IP6K1: variants seen among roughly 807,000 people sequenced by gnomAD.
The protein encoded by IP6K1 is ATP:1D-myo-inositol-hexakisphosphate phosphotransferase.
IP6K1 carries 13 observed loss-of-function variants against 38.3 expected under a neutral mutation model. That is an observed-to-expected ratio of 0.34 (90% CI 0.22 to 0.54). The LOEUF (loss-of-function observed/expected upper bound fraction) is 0.54, where lower values mean the gene tolerates loss of function less well. IP6K1 is among the 20% of genes least tolerant of loss of function. The pLI is 0.92. For missense variants in IP6K1, 397 were observed against 599.8 expected (o/e 0.66, Z 3.53); for synonymous variants, 212 against 229.9 (o/e 0.92, Z 0.70).
chr3:49,780,559 T>C (rs2081056861), intron 1 of IP6K1, among the ~76,000 whole-genome samples: 1 of 152,040 alleles, frequency 6.6e-6, no homozygotes, highest in Non-Finnish European at 1.5e-5. Flanking sequence ...AGGGCTGCAC[T>C]GGGAGGAGGG....
In IP6K1 at chr3:49,757,301, C is replaced by T. The variant is rs1008852798; in HGVS notation, c.-128-9133G>A. 4.6e-5 allele frequency among the ~76,000 whole-genome samples: 7 copies of T among 152,192 alleles called. No homozygotes were observed. The East Asian group carries it at 5.8e-4, about 13-fold the overall frequency. ...TATCCTACTGTAGCTTAACTGAAAA[C>T]GTTAAGCACAGTGGGGACAAGTTGA... On this transcript the variant is annotated intron_variant, in intron 1 of 5. Transcript: ENST00000321599.
rs2080506469 is a variant in IP6K1 at position 49,726,753 on chromosome 3, G to A, written c.*369C>T. ...GTGGAGGGGCCCTGCACCAGCCCAG[G>A]GCTTTACCTTACAATCAGCAGGGCC... On this transcript the variant is annotated 3_prime_UTR_variant, in exon 6 of 6. Coordinates refer to ENST00000321599, the MANE Select transcript of IP6K1 (RefSeq NM_153273.4). 3.0e-6 allele frequency: 1 copy of A among 335,100 alleles called. No homozygotes were observed. Among genetic ancestry groups the A allele is most frequent in the African/African-American group, 2.1e-5 (1 of 47,146 alleles). 20.8% of individuals were successfully genotyped at this position (335,100 alleles called of 1,614,324 possible).
intron 1 of IP6K1, among the ~76,000 whole-genome samples, chr3:49,780,147 A>G (rs370743949): frequency 2.0e-5 from 3 of 152,220 alleles, no homozygotes; most frequent in South Asian, 4.1e-4. Context: ...AAATTTTACA[A>G]AAGAGATCAG....
At chr3:49,729,014 C>T (rs143472329) in intron 4 of IP6K1, among the ~76,000 whole-genome samples, 5 of 150,464 alleles carry the variant, frequency 3.3e-5, no homozygotes, top group Admixed American at 6.6e-5. Flanking sequence ...AATGCAATGG[C>T]GCCATCTCGG....
intron 1 of IP6K1, among the ~76,000 whole-genome samples, chr3:49,776,448 C>T (rs538546158): frequency 6.6e-6 from 1 of 151,616 alleles, no homozygotes; most frequent in South Asian, 2.1e-4. Context: ...ACCTGGGAGG[C>T]GGAGGTTGCA....
chr3:49,764,107 G>T (rs954497271), intron 1 of IP6K1, among the ~76,000 whole-genome samples: 1 of 152,016 alleles, frequency 6.6e-6, no homozygotes, highest in Non-Finnish European at 1.5e-5. Context: ...TAGCTACTGG[G>T]TGCGGTGGCT....
intron 1 of IP6K1, among the ~76,000 whole-genome samples, chr3:49,751,710 T>C (rs983598579): frequency 1.7e-4 from 26 of 152,336 alleles, no homozygotes; most frequent in East Asian, 7.7e-4. Flanking sequence ...TCAGCTACAA[T>C]AGAGACTCTG....
chr3:49,771,223 C>G (rs2080956868), intron 1 of IP6K1, among the ~76,000 whole-genome samples: 1 of 144,028 alleles, frequency 6.9e-6, no homozygotes, highest in Non-Finnish European at 1.5e-5. Context: ...CCCTGCCAGG[C>G]ACAGTGGTGA....
intron 1 of IP6K1, among the ~76,000 whole-genome samples, chr3:49,776,037 T>C (rs753921351): frequency 1.3e-5 from 2 of 151,364 alleles, no homozygotes; most frequent in Non-Finnish European, 2.9e-5. Flanking sequence ...GAACCTTTGG[T>C]GTATGGTGGG....
At chr3:49,779,499 G>A (rs1402515389) in intron 1 of IP6K1, among the ~76,000 whole-genome samples, 1 of 152,070 alleles carries the variant, frequency 6.6e-6, no homozygotes, top group African/African-American at 2.4e-5. Context: ...AGATTGCTGG[G>A]TCATATGGTA....
intron 1 of IP6K1, among the ~76,000 whole-genome samples, chr3:49,761,025 T>C (rs969729226): frequency 1.3e-5 from 2 of 152,186 alleles, no homozygotes; most frequent in East Asian, 1.9e-4. Flanking sequence ...GCAAAAAACC[T>C]GTAAAACTGG....
chr3:49,752,422 G>A (rs1314290825), intron 1 of IP6K1, among the ~76,000 whole-genome samples: 1 of 151,262 alleles, frequency 6.6e-6, no homozygotes, highest in African/African-American at 2.4e-5. Flanking sequence ...CTGGGAGGCA[G>A]AGCTTGCAGT....
intron 4 of IP6K1, among the ~76,000 whole-genome samples, chr3:49,730,155 A>T (rs1302805349): frequency 6.6e-6 from 1 of 152,124 alleles, no homozygotes; most frequent in Non-Finnish European, 1.5e-5. Context: ...GGCCTCCCAA[A>T]GTGCTAGGAT....
rs747796950 is a variant in IP6K1 at position 49,732,913 on chromosome 3, T to A, written c.494A>T (p.Gln165Leu). Reference sequence around the variant, plus strand: ...CAAGCCACTGTTGCCATCTAGCATCTGGAAAGGGACCTCTGAGTGGCTGTG... The same window carrying A: ...CAAGCCACTGTTGCCATCTAGCATCAGGAAAGGGACCTCTGAGTGGCTGTG... ...ELHSHSEVPF[Q>L]MLDGNSGLSS... The change falls in exon 4 of 6, where the codon CAG becomes CTG. Residue 165 changes from glutamine to leucine, a missense_variant. Around this residue, in one of 3 missense-constraint regions of IP6K1, gnomAD observed 171 missense variants for 237.0 expected, o/e 0.72. Coordinates refer to ENST00000321599, the MANE Select transcript of IP6K1 (RefSeq NM_153273.4). The A allele has an allele frequency of 1.9e-6, 3 of 1,614,130 alleles. No homozygotes were observed. The Admixed American group carries it at 5.0e-5, about 27-fold the overall frequency.
chr3:49,727,402 C>T lies in IP6K1; in HGVS notation c.1046G>A (p.Cys349Tyr). The change falls in exon 6 of 6, where the codon TGC becomes TAC. Residue 349 changes from cysteine to tyrosine, a missense_variant. Physicochemically the swap from Cys to Tyr is radical, Grantham distance 194. Coordinates refer to ENST00000321599, the MANE Select transcript of IP6K1 (RefSeq NM_153273.4). The surrounding 1 kb of genome is among the most constrained non-coding windows in gnomAD (Gnocchi z 5.9). ...YDGKECRAES[C>Y]LDRRSEMRLK... is the part of the protein sequence containing the mutation. The stretch of plus-strand genomic sequence containing the variant: ...ACGCATCTCAGACCGGCGGTCCAGG[C>T]AGGACTCAGCCCGGCACTCCTTGCC... The T allele has an allele frequency of 6.2e-7, 1 of 1,613,998 alleles. No individual in the cohort carries two copies. Among genetic ancestry groups the T allele is most frequent in the Non-Finnish European group, 8.5e-7 (1 of 1,180,014 alleles).
chr3:49,756,849 G>C (rs866144370), intron 1 of IP6K1, among the ~76,000 whole-genome samples: 9 of 135,230 alleles, frequency 6.7e-5, no homozygotes. Context: ...AAAGAAAAAA[G>C]AAAGAAAGGA....
At chr3:49,729,980 C>T (rs2080549485) in intron 4 of IP6K1, among the ~76,000 whole-genome samples, 1 of 152,126 alleles carries the variant, frequency 6.6e-6, no homozygotes, top group Admixed American at 6.6e-5. Context: ...GCAACCTCTG[C>T]CTCCTGGGTT....
rs754450288 is a variant in IP6K1 at position 49,727,006 on chromosome 3, C to A, written c.*116G>T. Reference sequence around the variant, plus strand: ...AGCTAAAAACATTTCTTTTAGTTTACACCAAAGAGAAATATAACCCTTTAA... The same window carrying A: ...AGCTAAAAACATTTCTTTTAGTTTAAACCAAAGAGAAATATAACCCTTTAA... On this transcript the variant is annotated 3_prime_UTR_variant, in exon 6 of 6. Coordinates refer to ENST00000321599, the MANE Select transcript of IP6K1 (RefSeq NM_153273.4). The surrounding 1 kb of genome is among the most constrained non-coding windows in gnomAD (Gnocchi z 5.9). 6.4e-5 allele frequency: 68 copies of A among 1,069,082 alleles called. No homozygotes were observed. Among genetic ancestry groups the A allele is most frequent in the South Asian group, 2.3e-4 (15 of 63,864 alleles). The allele number at this position is 1,069,082 out of a possible 1,614,324, so 66.2% of individuals were successfully genotyped here.
At chr3:49,744,264 T>C (rs2080700782) in intron 2 of IP6K1, among the ~76,000 whole-genome samples, 1 of 151,504 alleles carries the variant, frequency 6.6e-6, no homozygotes, top group South Asian at 2.1e-4. Flanking sequence ...TAGCCAGGCT[T>C]GGTGGCGGGA....
Sources: gnomAD v4.1 joint callset for allele counts (sites outside exome capture counted in the v4.1 genomes callset) on GRCh38, gnomAD v4.1.1 for gene constraint, gnomAD v4.1.1 regional missense constraint, Gnocchi (gnomAD v3.1) non-coding constraint, MANE v1.5 for transcripts, NCBI Gene and HGNC (gene_info 2026-07-23, HGNC 2026-07-21) for gene names.